Variants in FAM227B observed in about 807,000 individuals in gnomAD.
FAM227B encodes family with sequence similarity 227 member B.
FAM227B carries 88 observed loss-of-function variants against 73.8 expected under a neutral mutation model. The observed-to-expected ratio is 1.19, with a 90% confidence interval of 1.00 to 1.42. The LOEUF (loss-of-function observed/expected upper bound fraction) is 1.42, where lower values mean the gene tolerates loss of function less well. Among genes scored for constraint, FAM227B ranks in the 40% most tolerant of loss-of-function variants. The pLI is 0.00. For synonymous variants in FAM227B, 210 were observed against 190.5 expected, an observed-to-expected ratio of 1.10 and a Z score of -0.84; for missense variants, 632 against 590.9, an observed-to-expected ratio of 1.07 and a Z score of -0.72.
At chr15:49,489,881 T>G (rs189935525) in intron 11 of FAM227B, among the ~76,000 whole-genome samples, 3,703 of 16,408 alleles carry the variant, frequency 0.23, 644 homozygotes, top group East Asian at 0.38. Context: ...TATATATATA[T>G]ATAGAGAGAG....
intron 11 of FAM227B, among the ~76,000 whole-genome samples, chr15:49,443,914 T>C (rs933749578): frequency 7.4e-6 from 1 of 134,570 alleles, no homozygotes; most frequent in Non-Finnish European, 1.6e-5. Flanking sequence ...ACACTTTTTT[T>C]CCCTGAGAGT....
At chr15:49,436,900 C>T (rs1023631831) in intron 11 of FAM227B, among the ~76,000 whole-genome samples, 3 of 151,510 alleles carry the variant, frequency 2.0e-5, no homozygotes, top group Non-Finnish European at 4.4e-5. Flanking sequence ...GTAATATGAC[C>T]TAATGAATAC....
chr15:49,395,852 G>C, intron 11 of FAM227B: 1 of 441,408 alleles, frequency 2.3e-6, no homozygotes, highest in Non-Finnish European at 4.5e-6. Context: ...ACATTCAAAG[G>C]ATAGAATTGA....
intron 10 of FAM227B, among the ~76,000 whole-genome samples, chr15:49,509,966 CTATT>C (rs750826003): frequency 2.0e-5 from 3 of 151,972 alleles, no homozygotes; most frequent in Non-Finnish European, 2.9e-5. Flanking sequence ...ATATGTGAAA[CTATT>C]TGTTTAATTT....
At chr15:49,554,332 C>G (rs915937399) in intron 9 of FAM227B, among the ~76,000 whole-genome samples, 1 of 152,186 alleles carries the variant, frequency 6.6e-6, no homozygotes, top group Non-Finnish European at 1.5e-5. Flanking sequence ...CGTGCACACT[C>G]CAGTCCATTG....
intron 11 of FAM227B, among the ~76,000 whole-genome samples, chr15:49,502,704 A>G (rs2058242021): frequency 6.6e-6 from 1 of 152,150 alleles, no homozygotes; most frequent in Admixed American, 6.5e-5. Flanking sequence ...GGAAGGCATG[A>G]TTGTATTTTG....
intron 3 of FAM227B, among the ~76,000 whole-genome samples, chr15:49,597,468 C>T (rs1188635426): frequency 6.6e-6 from 1 of 151,832 alleles, no homozygotes; most frequent in Non-Finnish European, 1.5e-5. Flanking sequence ...ACAGCAAAAC[C>T]AGTGCTAAGA....
At chr15:49,571,085 A>G (rs1338694396) in intron 8 of FAM227B, among the ~76,000 whole-genome samples, 2 of 151,672 alleles carry the variant, frequency 1.3e-5, no homozygotes, top group Non-Finnish European at 2.9e-5. Context: ...TCCTTTGGAT[A>G]TAAACAGAAA....
intron 10 of FAM227B, among the ~76,000 whole-genome samples, chr15:49,538,614 G>A (rs1178042278): frequency 6.6e-6 from 1 of 151,996 alleles, no homozygotes; most frequent in Admixed American, 6.6e-5. Flanking sequence ...CTCTTTTAAT[G>A]GTTTCCTATA....
At chr15:49,446,585 A>G (rs1312309800) in intron 11 of FAM227B, among the ~76,000 whole-genome samples, 3 of 151,316 alleles carry the variant, frequency 2.0e-5, no homozygotes, top group African/African-American at 7.3e-5. Context: ...GATTTCATAG[A>G]GGGTAAAGAG....
At chr15:49,606,602 C>G (rs1598516630) in intron 3 of FAM227B, among the ~76,000 whole-genome samples, 1 of 152,178 alleles carries the variant, frequency 6.6e-6, no homozygotes, top group East Asian at 1.9e-4. Context: ...AGAGTGAAGG[C>G]TACCTTCCTC....
At chr15:49,578,311 G>C (rs71467694) in intron 5 of FAM227B, among the ~76,000 whole-genome samples, 1 of 152,154 alleles carries the variant, frequency 6.6e-6, no homozygotes, top group Admixed American at 6.5e-5. Flanking sequence ...AGCACTCTTA[G>C]GCCCTAGAGC....
chr15:49,382,423 A>G (rs1231689569), intron 11 of FAM227B, among the ~76,000 whole-genome samples: 1 of 152,124 alleles, frequency 6.6e-6, no homozygotes, highest in African/African-American at 2.4e-5. Flanking sequence ...GGCAAATGTT[A>G]ACTGTTTAGG....
intron 13 of FAM227B, among the ~76,000 whole-genome samples, chr15:49,362,760 C>G (rs1327793313): frequency 2.8e-5 from 3 of 105,670 alleles, no homozygotes; most frequent in Non-Finnish European, 4.7e-5. Flanking sequence ...AGGTTTAGGT[C>G]TTACACTTAA....
At chr15:49,542,796 T>C (rs1375754687) in intron 9 of FAM227B, among the ~76,000 whole-genome samples, 5 of 151,482 alleles carry the variant, frequency 3.3e-5, no homozygotes, top group Non-Finnish European at 5.9e-5. Context: ...CATGTGCTGG[T>C]TTCTTATATA....
Position 49,419,766 on chromosome 15 carries a change from A to T in FAM227B, c.1013-48367T>A, listed in dbSNP as rs8024671. Among the ~76,000 whole-genome samples the T allele has an allele frequency of 2.0e-3, 308 of 151,742 alleles. 2 individuals are homozygous for T. Among genetic ancestry groups the T allele is most frequent in the African/African-American group, 7.1e-3 (292 of 41,288 alleles). ...CACTGTGAAAAGGACAGGTTTTTTT[A>T]TTATTATTATTTTTTTATTTTTTAT... On this transcript the variant is annotated intron_variant, in intron 11 of 15. Transcript: ENST00000299338.
At chr15:49,495,612 G>A (rs761764421) in intron 11 of FAM227B, among the ~76,000 whole-genome samples, 3 of 152,192 alleles carry the variant, frequency 2.0e-5, no homozygotes, top group Non-Finnish European at 4.4e-5. Context: ...AAAGCATAAT[G>A]TGGAAATTTT....
intron 11 of FAM227B, among the ~76,000 whole-genome samples, chr15:49,467,248 T>A (rs1432056858): frequency 6.6e-6 from 1 of 152,164 alleles, no homozygotes; most frequent in Non-Finnish European, 1.5e-5. Flanking sequence ...TAGAGGTAGC[T>A]ATGAACAAAA....
At chr15:49,565,091 T>G (rs191711594) in intron 9 of FAM227B, among the ~76,000 whole-genome samples, 231 of 152,094 alleles carry the variant, frequency 1.5e-3, no homozygotes, top group African/African-American at 5.3e-3. Context: ...AATATTAAAA[T>G]CATAATCAGA....
Sources: gnomAD v4.1 joint callset for allele counts (sites outside exome capture counted in the v4.1 genomes callset) on GRCh38, gnomAD v4.1.1 for gene constraint, MANE v1.5 for transcripts, NCBI Gene and HGNC (gene_info 2026-07-23, HGNC 2026-07-21) for gene names.